PPP3R1: variants seen among roughly 807,000 people sequenced by gnomAD.
The protein encoded by PPP3R1 is protein phosphatase 3 regulatory subunit B, alpha, also known as calcineurin subunit B type 1.
A neutral mutation model predicts 22.6 loss-of-function variants in PPP3R1; 5 were observed. The observed-to-expected ratio is 0.22, with a 90% CI of 0.12 to 0.46. The LOEUF is 0.46. Ranked by LOEUF, PPP3R1 falls within the 20% of genes least tolerant of loss-of-function variation. The pLI, the probability that PPP3R1 is intolerant of heterozygous loss-of-function variation, is 0.99. For missense variants in PPP3R1, 61 were observed against 203.2 expected, an observed-to-expected ratio of 0.30 and a Z score of 4.25; for synonymous variants, 56 against 65.2, an observed-to-expected ratio of 0.86 and a Z score of 0.68.
intron 1 of PPP3R1, 143 bp downstream of exon 1, chr2:68,251,982 C>G (rs1019822425): frequency 1.1e-5 from 10 of 873,404 alleles, no homozygotes; most frequent in African/African-American, 1.8e-5. Context: ...TCGCCCGCAA[C>G]CGCCGCGGGA....
Position 68,180,748 on chromosome 2 carries a change from C to T in PPP3R1, c.*215G>A. 1 of 498,312 alleles carries T rather than the reference C, an allele frequency of 2.0e-6. No individual in the cohort carries two copies. Among genetic ancestry groups the T allele is most frequent in the Non-Finnish European group, 3.6e-6 (1 of 280,838 alleles). 30.9% of individuals were successfully genotyped at this position (498,312 alleles called of 1,614,324 possible). A position where few individuals can be genotyped will look rare whatever the true frequency, so the allele number is the denominator to read the frequency against. ...ACATTGATATGCTCTTTTCATGTTGCTGTCCTTCAGACTTTAAAGTGCTAC... is the reference window on the plus strand; with the variant it reads ...ACATTGATATGCTCTTTTCATGTTGTTGTCCTTCAGACTTTAAAGTGCTAC... On this transcript the variant is annotated 3_prime_UTR_variant, in exon 6 of 6. Transcript: ENST00000234310.
rs149038651 is a variant in PPP3R1 at position 68,249,954 on chromosome 2, C to A, written c.3+2171G>T. Among the ~76,000 whole-genome samples the A allele has an allele frequency of 1.6e-3, 246 of 152,066 alleles. 2 individuals are homozygous for A. Among genetic ancestry groups the A allele is most frequent in the African/African-American group, 5.7e-3 (236 of 41,488 alleles). On this transcript the variant is annotated intron_variant, in intron 1 of 5. Coordinates refer to ENST00000234310, the MANE Select transcript of PPP3R1 (RefSeq NM_000945.4). ...TTTTCAGAATTGTATGTTCAATTAA[C>A]CAGAAAAATTAACCAGATCACTCCA... is the stretch of plus-strand genomic sequence containing the variant.
At chr2:68,181,038 TCA>T (rs1354333213) in intron 5 of PPP3R1, 28 bp from the exon 6 acceptor site, 2 of 1,602,230 alleles carry the variant, frequency 1.2e-6, no homozygotes, top group Non-Finnish European at 1.7e-6. Flanking sequence ...AAATCAAGCT[TCA>T]CAGTGTCTGA....
At chr2:68,242,988 C>T (rs1291724153) in intron 1 of PPP3R1, among the ~76,000 whole-genome samples, 1 of 152,124 alleles carries the variant, frequency 6.6e-6, no homozygotes, top group African/African-American at 2.4e-5. Flanking sequence ...AAGAGCTGGT[C>T]AACGCACCAG....
intron 2 of PPP3R1, among the ~76,000 whole-genome samples, chr2:68,198,322 TACATATGTAC>T: frequency 8.2e-6 from 1 of 121,526 alleles, no homozygotes; most frequent in East Asian, 2.5e-4. Context: ...TATATGTATA[TACATATGTAC>T]ATATATGTAC....
intron 1 of PPP3R1, among the ~76,000 whole-genome samples, chr2:68,241,294 T>C (rs1473392097): frequency 6.6e-6 from 1 of 152,232 alleles, no homozygotes; most frequent in Non-Finnish European, 1.5e-5. Context: ...TTTATTTGTA[T>C]TATTTTTCAT....
At chr2:68,198,326 T>C (rs573975698) in intron 2 of PPP3R1, among the ~76,000 whole-genome samples, 5 of 74,666 alleles carry the variant, frequency 6.7e-5, no homozygotes, top group African/African-American at 1.2e-4. Context: ...TGTATATACA[T>C]ATGTACATAT....
chr2:68,230,655 C>A (rs1669879728), intron 1 of PPP3R1, among the ~76,000 whole-genome samples: 2 of 152,216 alleles, frequency 1.3e-5, no homozygotes, highest in Admixed American at 1.3e-4. Flanking sequence ...TTTCATCATA[C>A]CCTTCTGTTT....
At chr2:68,190,093 T>C (rs1435508893) in intron 2 of PPP3R1, among the ~76,000 whole-genome samples, 1 of 150,754 alleles carries the variant, frequency 6.6e-6, no homozygotes. Flanking sequence ...AATAGAACTA[T>C]ATACTATCAA....
chr2:68,251,670 G>C (rs1239660139), intron 1 of PPP3R1, among the ~76,000 whole-genome samples: 1 of 152,154 alleles, frequency 6.6e-6, no homozygotes, highest in African/African-American at 2.4e-5. Context: ...CTTATGTAAA[G>C]TGCCATTTGC....
intron 1 of PPP3R1, among the ~76,000 whole-genome samples, chr2:68,227,554 C>A (rs1032042406): frequency 2.0e-4 from 30 of 150,696 alleles, no homozygotes; most frequent in African/African-American, 7.1e-4. Context: ...ATGACAGATC[C>A]AAGCTTCTTT....
At position 68,198,973 on chromosome 2, in the gene PPP3R1, TA is replaced by T. The variant is rs543393982; in HGVS notation, c.44-10284del. On this transcript the variant is annotated intron_variant, in intron 2 of 5. Coordinates refer to ENST00000234310, the MANE Select transcript of PPP3R1 (RefSeq NM_000945.4). Reference sequence around the variant, plus strand: ...TCCATTTCATCTTTATTTGTATTATTATTTTTTTAAGATGGAGTTTTGCTCT... The same window carrying T: ...TCCATTTCATCTTTATTTGTATTATTTTTTTTTAAGATGGAGTTTTGCTCT... Among the ~76,000 whole-genome samples, 803 of 151,876 alleles carry T rather than the reference TA, an allele frequency of 5.3e-3. 3 individuals are homozygous for T. Among genetic ancestry groups the T allele is most frequent in the Non-Finnish European group, 7.3e-3 (496 of 68,018 alleles).
chr2:68,235,546 C>T (rs58916116), intron 1 of PPP3R1, among the ~76,000 whole-genome samples: 59,901 of 152,004 alleles, frequency 0.39, 12,368 homozygotes, highest in South Asian at 0.62. Flanking sequence ...CAACACACTT[C>T]TTTTTACTAA....
intron 2 of PPP3R1, among the ~76,000 whole-genome samples, chr2:68,211,493 A>G (rs992857741): frequency 3.3e-5 from 5 of 151,028 alleles, no homozygotes; most frequent in Admixed American, 1.3e-4. Context: ...TGCTGTTGGT[A>G]GGTCTCACTT....
intron 1 of PPP3R1, among the ~76,000 whole-genome samples, chr2:68,217,590 C>G (rs1487355888): frequency 6.6e-6 from 1 of 152,036 alleles, no homozygotes; most frequent in Admixed American, 6.6e-5. Context: ...AACCTGCTAC[C>G]ATTTTTCCCT....
chr2:68,226,103 C>T (rs1036118695), intron 1 of PPP3R1, among the ~76,000 whole-genome samples: 1 of 151,854 alleles, frequency 6.6e-6, no homozygotes, highest in East Asian at 1.9e-4. Context: ...CTGTATGGTT[C>T]CATTTATAAA....
intron 4 of PPP3R1, 74 bp from the exon 5 acceptor site, chr2:68,186,726 T>C (rs905604714): frequency 3.1e-6 from 4 of 1,285,670 alleles, no homozygotes; most frequent in Non-Finnish European, 3.3e-6. Context: ...AGAAAGAAAA[T>C]AGTAAACTGA....
chr2:68,241,113 AT>A (rs1183212180), intron 1 of PPP3R1, among the ~76,000 whole-genome samples: 1 of 152,046 alleles, frequency 6.6e-6, no homozygotes, highest in Non-Finnish European at 1.5e-5. Flanking sequence ...AACTGGTCCC[AT>A]TTCCCCACCC....
intron 1 of PPP3R1, among the ~76,000 whole-genome samples, chr2:68,233,996 C>T (rs772667136): frequency 2.6e-5 from 4 of 152,100 alleles, no homozygotes; most frequent in Non-Finnish European, 5.9e-5. Flanking sequence ...AGAGACTTTA[C>T]ATACATTATC....
Sources: allele counts gnomAD v4.1 joint callset (sites outside exome capture counted in the v4.1 genomes callset), GRCh38; gene constraint gnomAD v4.1.1; transcripts MANE v1.5; gene names NCBI Gene and HGNC (gene_info 2026-07-23, HGNC 2026-07-21).